The following ADGRG7 variants were observed in gnomAD, a reference collection of about 807,000 sequenced individuals.
The protein encoded by ADGRG7 is G-protein coupled receptor 128.
A neutral mutation model predicts 88.6 loss-of-function variants in ADGRG7; 82 were observed. The observed-to-expected ratio is 0.93, with a 90% confidence interval of 0.77 to 1.11. The LOEUF is 1.11. Ranked by LOEUF, ADGRG7 falls within the 50% of genes most tolerant of loss-of-function variation. The probability of loss-of-function intolerance (pLI) is 0.00; values close to 1 mark genes in which losing one functional copy is unlikely to be tolerated. For synonymous variants in ADGRG7, 381 were observed against 345.2 expected (o/e 1.10, Z -1.15); for missense variants, 945 against 953.4 (o/e 0.99, Z 0.12).
chr3:100,660,143 A>G (rs1193808376), intron 14 of ADGRG7, among the ~76,000 whole-genome samples: 1 of 152,210 alleles, frequency 6.6e-6, no homozygotes, highest in East Asian at 1.9e-4. Flanking sequence ...CTTATCCTAA[A>G]TATTCAAGAA....
intron 1 of ADGRG7, among the ~76,000 whole-genome samples, chr3:100,626,031 G>A (rs767780777): frequency 1.5e-4 from 23 of 152,206 alleles, no homozygotes; most frequent in Non-Finnish European, 2.9e-4. Context: ...CATAAAATGA[G>A]CTAGGGAGGA....
rs531101571 is a variant in ADGRG7, at chr3:100,688,046, T to A, written c.2137-6698T>A. ...TTGGTAAGCTATTAATTATTGCCTC[T>A]ATTTCAGAGCCTGTTATTGGTCTAT... On this transcript the variant is annotated intron_variant, in intron 15 of 15. Coordinates refer to ENST00000273352, the MANE Select transcript of ADGRG7 (RefSeq NM_032787.3). Among the ~76,000 whole-genome samples, 469 of 152,112 alleles carry A rather than the reference T, an allele frequency of 3.1e-3. 4 individuals are homozygous for A. Among genetic ancestry groups the A allele is most frequent in the Non-Finnish European group, 4.5e-3 (307 of 67,918 alleles).
At chr3:100,673,021 TG>T (rs1025829588) in intron 15 of ADGRG7, among the ~76,000 whole-genome samples, 7 of 150,556 alleles carry the variant, frequency 4.6e-5, no homozygotes, top group Non-Finnish European at 1.0e-4. Flanking sequence ...AAATTTTTTT[TG>T]TGTGTGTGTG....
intron 14 of ADGRG7, among the ~76,000 whole-genome samples, chr3:100,661,482 G>T (rs570550497): frequency 6.6e-6 from 1 of 152,134 alleles, no homozygotes; most frequent in African/African-American, 2.4e-5. Flanking sequence ...AAATAAACAT[G>T]CAATATGAAC....
chr3:100,692,180 G>T (rs974870022), intron 15 of ADGRG7, among the ~76,000 whole-genome samples: 1 of 152,160 alleles, frequency 6.6e-6, no homozygotes, highest in African/African-American at 2.4e-5. Context: ...TTTTTGAATT[G>T]CTACCACCAT....
At chr3:100,641,588 A>G (rs1222214367) in intron 6 of ADGRG7, among the ~76,000 whole-genome samples, 2 of 152,220 alleles carry the variant, frequency 1.3e-5, no homozygotes, top group Non-Finnish European at 2.9e-5. Flanking sequence ...TAATCTAATA[A>G]GCAGAAGTTG....
chr3:100,613,545 A>G (rs1707185556), intron 1 of ADGRG7, among the ~76,000 whole-genome samples: 1 of 152,156 alleles, frequency 6.6e-6, no homozygotes, highest in African/African-American at 2.4e-5. Flanking sequence ...AATTAAAAAA[A>G]AAAAAAGTCT....
intron 11 of ADGRG7, 28 bp downstream of exon 11, chr3:100,649,835 A>G (rs770002591): frequency 3.1e-6 from 4 of 1,296,540 alleles, no homozygotes; most frequent in Non-Finnish European, 4.5e-6. Context: ...CTCTTTTCAG[A>G]AGAGAAATTG....
intron 6 of ADGRG7, among the ~76,000 whole-genome samples, chr3:100,638,306 AG>A (rs1559675677): frequency 6.6e-6 from 1 of 152,200 alleles, no homozygotes; most frequent in Non-Finnish European, 1.5e-5. Context: ...GGAAGCTCTC[AG>A]TGGAGAGGGG....
At chr3:100,619,779 C>G (rs1282179457) in intron 1 of ADGRG7, among the ~76,000 whole-genome samples, 1 of 152,238 alleles carries the variant, frequency 6.6e-6, no homozygotes, top group Non-Finnish European at 1.5e-5. Flanking sequence ...ACTATAAACA[C>G]CTCTACGCAA....
intron 1 of ADGRG7, among the ~76,000 whole-genome samples, chr3:100,618,190 T>A (rs1326451586): frequency 6.6e-6 from 1 of 152,226 alleles, no homozygotes; most frequent in Non-Finnish European, 1.5e-5. Flanking sequence ...GATGGTAGTT[T>A]CTTTTGCTGT....
Position 100,655,052 on chromosome 3 carries a change from C to T in ADGRG7, c.1597C>T (p.Leu533=), listed in dbSNP as rs1454249649. Residue 533 remains leucine (L), a synonymous_variant, in exon 12 of 16, where the codon CTG becomes TTG. Transcript: ENST00000273352. Reference sequence around the variant, plus strand: ...CATGTGCACTGCGATTGCCGCCTTACTGCACTATTTTCTGTTAGTGACATT... The same window carrying T: ...CATGTGCACTGCGATTGCCGCCTTATTGCACTATTTTCTGTTAGTGACATT... ...NPMCTAIAAL[L]HYFLLVTFTW... 1 of 1,614,040 alleles carries T rather than the reference C, an allele frequency of 6.2e-7. No individual in the cohort carries two copies. The highest frequency in any genetic ancestry group is 8.5e-7 in the Non-Finnish European group (1 of 1,179,998).
intron 11 of ADGRG7, among the ~76,000 whole-genome samples, chr3:100,652,578 A>T (rs1406491044): frequency 1.3e-5 from 2 of 152,234 alleles, no homozygotes; most frequent in Admixed American, 1.3e-4. Flanking sequence ...GGATATAAGG[A>T]TATATCTGCC....
rs149685331 is a variant in ADGRG7 at position 100,629,679 on chromosome 3, C to T, written c.197C>T (p.Thr66Ile). The T allele has an allele frequency of 1.1e-5, 18 of 1,612,720 alleles. No individual in the cohort carries two copies. In the African/African-American group the frequency reaches 1.3e-4, roughly 12 times the overall value. Reference protein sequence around the residue: ...GTWENGRCICTEEWKGLRCTI... With the variant: ...GTWENGRCICIEEWKGLRCTI... Reference sequence around the variant, plus strand: ...TGGGAAAATGGCAGATGTATTTGTACAGAAGAGTGGAAAGGACTGAGATGT... The same window carrying T: ...TGGGAAAATGGCAGATGTATTTGTATAGAAGAGTGGAAAGGACTGAGATGT... Residue 66 changes from threonine to isoleucine, a missense_variant, in exon 2 of 16, where the codon ACA becomes ATA. Physicochemically the swap from Thr to Ile is moderately conservative, Grantham distance 89. Transcript: ENST00000273352.
At chr3:100,642,487 A>C (rs144451581) in intron 6 of ADGRG7, among the ~76,000 whole-genome samples, 2 of 152,348 alleles carry the variant, frequency 1.3e-5, no homozygotes, top group Middle Eastern at 3.4e-3. Context: ...GATTTGACAT[A>C]TAGAACAACT....
At chr3:100,635,599 T>G in intron 4 of ADGRG7, 78 bp from the exon 5 acceptor site, 1 of 1,549,070 alleles carries the variant, frequency 6.5e-7, no homozygotes, top group Non-Finnish European at 8.7e-7. Context: ...AATTCCAGCT[T>G]ATTTACCTGC....
intron 1 of ADGRG7, among the ~76,000 whole-genome samples, chr3:100,621,524 T>A (rs759745415): frequency 1.3e-5 from 2 of 152,168 alleles, no homozygotes; most frequent in African/African-American, 2.4e-5. Flanking sequence ...TAAAGCCTAA[T>A]CCAGAACAAG....
chr3:100,687,959 C>T (rs1213735692), intron 15 of ADGRG7, among the ~76,000 whole-genome samples: 1 of 152,018 alleles, frequency 6.6e-6, no homozygotes, highest in African/African-American at 2.4e-5. Flanking sequence ...ATGGTACCAG[C>T]TCCTCCTTGT....
intron 15 of ADGRG7, among the ~76,000 whole-genome samples, chr3:100,673,059 A>T (rs1391106542): frequency 6.6e-6 from 1 of 152,014 alleles, no homozygotes; most frequent in Non-Finnish European, 1.5e-5. Flanking sequence ...TGGAATCAGG[A>T]TGATGTTGGC....
Sources: allele counts gnomAD v4.1 joint callset (sites outside exome capture counted in the v4.1 genomes callset), GRCh38; gene constraint gnomAD v4.1.1; transcripts MANE v1.5; gene names NCBI Gene and HGNC (gene_info 2026-07-23, HGNC 2026-07-21).